BASP1: variants seen among roughly 807,000 people sequenced by gnomAD.
The protein encoded by BASP1 is brain acid soluble protein 1.
A neutral mutation model predicts 2.2 loss-of-function variants in BASP1; 1 was observed. That is an observed-to-expected ratio of 0.46 (90% CI 0.16 to 2.17). The LOEUF (loss-of-function observed/expected upper bound fraction) is 2.17, where lower values mean the gene tolerates loss of function less well. BASP1 is among the 30% of genes most tolerant of loss of function. The probability of loss-of-function intolerance (pLI) is 0.27; values close to 1 mark genes in which losing one functional copy is unlikely to be tolerated. For missense variants in BASP1, 352 were observed against 327.2 expected (o/e 1.08, Z -0.58); for synonymous variants, 187 against 154.2 (o/e 1.21, Z -1.58).
In BASP1 at chr5:17,275,492, C is replaced by T. The variant is rs189807426; in HGVS notation, c.276C>T (p.Gly92=). Residue 92 remains glycine, a synonymous_variant, in exon 2 of 2, where the codon GGC becomes GGT. Transcript: ENST00000322611. This position sits in a 1 kb window ranked among gnomAD's most constrained non-coding sequence, Gnocchi z 5.3. ...AGGCGGAGCCCGAGAAGACGGAGGG[C>T]GCGGCAGAGGCCAAGGCTGAGCCCC... ...APKAEPEKTE[G]AAEAKAEPPK... is the part of the protein sequence containing the mutation. 1,354 of 1,480,020 alleles carry T rather than the reference C, an allele frequency of 9.1e-4. 13 individuals are homozygous for T. In the African/African-American group the frequency reaches 0.018, roughly 19 times the overall value. The allele number at this position is 1,480,020 out of a possible 1,614,324, so 91.7% of individuals were successfully genotyped here. A position where few individuals can be genotyped will look rare whatever the true frequency, so the allele number is the denominator to read the frequency against.
chr5:17,250,655 A>T (rs1740083831), intron 1 of BASP1, among the ~76,000 whole-genome samples: 1 of 152,056 alleles, frequency 6.6e-6, no homozygotes, highest in Admixed American at 6.5e-5. Flanking sequence ...CCCAGGCTGG[A>T]GTGCAGTGGC....
At chr5:17,243,245 T>C (rs577387807) in intron 1 of BASP1, among the ~76,000 whole-genome samples, 1 of 151,870 alleles carries the variant, frequency 6.6e-6, no homozygotes, top group South Asian at 2.1e-4. Flanking sequence ...ACTTTCTGGG[T>C]TCAAGCAATT....
At chr5:17,272,456 G>A (rs1050537992) in intron 1 of BASP1, among the ~76,000 whole-genome samples, 2 of 151,730 alleles carry the variant, frequency 1.3e-5, no homozygotes, top group Admixed American at 1.3e-4. Context: ...AGGAGAATGT[G>A]AATGGCATAC....
intron 1 of BASP1, among the ~76,000 whole-genome samples, chr5:17,243,340 G>C (rs1490161789): frequency 4.6e-5 from 7 of 152,068 alleles, no homozygotes; most frequent in Non-Finnish European, 7.4e-5. Flanking sequence ...TTTTAGTAGA[G>C]ACAGGGTTTC....
At chr5:17,243,175 G>A (rs1443717205) in intron 1 of BASP1, among the ~76,000 whole-genome samples, 1 of 150,834 alleles carries the variant, frequency 6.6e-6, no homozygotes, top group African/African-American at 2.4e-5. Context: ...TTAAGAGGGA[G>A]TCTCATTCTG....
intron 1 of BASP1, among the ~76,000 whole-genome samples, chr5:17,257,411 A>G (rs1435424730): frequency 6.6e-6 from 1 of 152,184 alleles, no homozygotes. Flanking sequence ...CCGATCTTTT[A>G]CTTAATCTTG....
rs574763214 is a variant in BASP1 at position 17,236,509 on chromosome 5, C to G, written c.-10+18699C>G. On this transcript the variant is annotated intron_variant, in intron 1 of 1. Transcript: ENST00000322611. This position sits in a 1 kb window ranked among gnomAD's most constrained non-coding sequence, Gnocchi z 4.0. ...CAAACTCCTGACCTTAGGTGATCCG[C>G]CTGCCTCTGCCTCCCAAAGTGCTGG... is the stretch of plus-strand genomic sequence containing the variant. Among the ~76,000 whole-genome samples the G allele has an allele frequency of 6.6e-6, 1 of 152,300 alleles. No individual in the cohort carries two copies. Among genetic ancestry groups the G allele is most frequent in the South Asian group, 2.1e-4 (1 of 4,826 alleles).
At chr5:17,230,862 C>T (rs970368673) in intron 1 of BASP1, among the ~76,000 whole-genome samples, 2 of 152,136 alleles carry the variant, frequency 1.3e-5, no homozygotes, top group African/African-American at 4.8e-5. Context: ...GCGCCCAGCC[C>T]GAGAGGGTCT....
intron 1 of BASP1, among the ~76,000 whole-genome samples, chr5:17,259,393 C>T (rs1308670415): frequency 6.6e-6 from 1 of 152,134 alleles, no homozygotes; most frequent in Non-Finnish European, 1.5e-5. Context: ...ACAGCCAAAC[C>T]ATATCAGCAT....
At chr5:17,233,212 C>T (rs1457907512) in intron 1 of BASP1, among the ~76,000 whole-genome samples, 1 of 152,182 alleles carries the variant, frequency 6.6e-6, no homozygotes, top group East Asian at 1.9e-4. Context: ...TCTTTATTGT[C>T]TATACCTGTG....
At chr5:17,267,604 C>T (rs1311588446) in intron 1 of BASP1, among the ~76,000 whole-genome samples, 2 of 151,542 alleles carry the variant, frequency 1.3e-5, no homozygotes, top group African/African-American at 2.4e-5. Flanking sequence ...CTGCAACCTC[C>T]GCCTCCCGGG....
rs1336693145 is a variant in BASP1 at position 17,260,044 on chromosome 5, C to G, written c.-9-15164C>G. ...GTGGTTCACTTACTCCCTTTATTGACCAAAAGAGCAGGTGATTCATGTAAA... is the reference window on the plus strand; with the variant it reads ...GTGGTTCACTTACTCCCTTTATTGAGCAAAAGAGCAGGTGATTCATGTAAA... On this transcript the variant is annotated intron_variant, in intron 1 of 1. Transcript: ENST00000322611. This position sits in a 1 kb window ranked among gnomAD's most constrained non-coding sequence, Gnocchi z 4.2. Among the ~76,000 whole-genome samples, 1 of 152,136 alleles carries G rather than the reference C, an allele frequency of 6.6e-6. No homozygotes were observed. Among genetic ancestry groups the G allele is most frequent in the Admixed American group, 6.5e-5 (1 of 15,280 alleles).
In BASP1 at chr5:17,251,725, T is replaced by G. The variant is rs1439178521; in HGVS notation, c.-9-23483T>G. Among the ~76,000 whole-genome samples the G allele has an allele frequency of 2.0e-5, 3 of 152,170 alleles. No individual in the cohort carries two copies. Among genetic ancestry groups the G allele is most frequent in the Non-Finnish European group, 2.9e-5 (2 of 68,024 alleles). On this transcript the variant is annotated intron_variant, in intron 1 of 1. Coordinates refer to ENST00000322611, the MANE Select transcript of BASP1 (RefSeq NM_006317.5). This position sits in a 1 kb window ranked among gnomAD's most constrained non-coding sequence, Gnocchi z 4.0. ...TAGCGGTGGTGGTGGTGAAAGTTGGTCCAGAAAGACTCCCACATTTCTGGC... is the reference window on the plus strand; with the variant it reads ...TAGCGGTGGTGGTGGTGAAAGTTGGGCCAGAAAGACTCCCACATTTCTGGC...
At chr5:17,240,778 C>T (rs1739845983) in intron 1 of BASP1, 1 of 152,084 alleles carries the variant, frequency 6.6e-6, no homozygotes, top group African/African-American at 2.4e-5. Flanking sequence ...TTGGACTTCC[C>T]AACCTACAGA....
At chr5:17,267,669 C>T (rs1740441765) in intron 1 of BASP1, among the ~76,000 whole-genome samples, 1 of 151,828 alleles carries the variant, frequency 6.6e-6, no homozygotes, top group African/African-American at 2.4e-5. Flanking sequence ...TAGACGCACG[C>T]CACTGCACCT....
intron 1 of BASP1, among the ~76,000 whole-genome samples, chr5:17,253,593 CTATTT>C (rs1276500412): frequency 6.6e-6 from 1 of 152,192 alleles, no homozygotes; most frequent in Admixed American, 6.5e-5. Context: ...ACTTTCTTCT[CTATTT>C]TGTTTCTTTC....
rs1343475201 is a variant in BASP1 at position 17,260,232 on chromosome 5, T to A, written c.-9-14976T>A. Among the ~76,000 whole-genome samples the A allele has an allele frequency of 5.9e-5, 9 of 152,156 alleles. No individual in the cohort carries two copies. The highest frequency in any genetic ancestry group is 2.6e-4 in the Admixed American group (4 of 15,284). ...ATAGTGTTTGCTACATGTGGCAGGA[T>A]GTATTAAAAAAGAAGAAAAAACCTT... On this transcript the variant is annotated intron_variant, in intron 1 of 1. Transcript: ENST00000322611. This position sits in a 1 kb window ranked among gnomAD's most constrained non-coding sequence, Gnocchi z 4.2.
chr5:17,259,788 G>A (rs1040226746), intron 1 of BASP1, among the ~76,000 whole-genome samples: 1 of 152,156 alleles, frequency 6.6e-6, no homozygotes, highest in Non-Finnish European at 1.5e-5. Flanking sequence ...TTGTCAGGTG[G>A]CCACATTGAT....
intron 1 of BASP1, among the ~76,000 whole-genome samples, chr5:17,266,341 T>G (rs2126517692): frequency 6.6e-6 from 1 of 152,282 alleles, no homozygotes; most frequent in South Asian, 2.1e-4. Context: ...TGAGAGGCAT[T>G]TTTTCTGTTC....
Sources: gnomAD v4.1 joint callset for allele counts (sites outside exome capture counted in the v4.1 genomes callset) on GRCh38, gnomAD v4.1.1 for gene constraint, Gnocchi (gnomAD v3.1) non-coding constraint, MANE v1.5 for transcripts, NCBI Gene and HGNC (gene_info 2026-07-23, HGNC 2026-07-21) for gene names.